The following RARG variants were observed in gnomAD, a reference collection of about 807,000 sequenced individuals.
RARG encodes the protein retinoic acid receptor gamma.
In RARG, 17 loss-of-function variants were observed where a neutral mutation model predicts 43.7. The observed-to-expected ratio is 0.39, with a 90% CI of 0.27 to 0.58. The LOEUF (loss-of-function observed/expected upper bound fraction) is 0.58. Among genes scored for constraint, RARG ranks in the 20% least tolerant of loss-of-function variants. The pLI is 0.57. For missense variants in RARG, 346 were observed against 598.7 expected (o/e 0.58, Z 4.40); for synonymous variants, 238 against 236.4 (o/e 1.01, Z -0.06).
intron 3 of RARG, chr12:53,220,215 A>C: frequency 2.5e-6 from 3 of 1,214,716 alleles, no homozygotes; most frequent in Non-Finnish European, 3.3e-6. Flanking sequence ...GAGGGCTAGC[A>C]TAGGGCGCTG....
Position 53,216,821 on chromosome 12 carries a change from A to AGTGTGTGTGTGTGTGTGT in RARG, c.185-1045_185-1028dup, listed in dbSNP as rs35354918. 8.5e-4 allele frequency among the ~76,000 whole-genome samples: 122 copies of AGTGTGTGTGTGTGTGTGT among 144,202 alleles called. 2 individuals carry two copies. Among genetic ancestry groups the AGTGTGTGTGTGTGTGTGT allele is most frequent in the African/African-American group, 3.0e-3 (114 of 37,502 alleles). 94.6% of individuals were successfully genotyped at this position (144,202 alleles called of 152,430 possible). On this transcript the variant is annotated intron_variant, in intron 3 of 9. Transcript: ENST00000425354. ...GCTCTGTTCAAAAGGCTGCTGGGTA[A>AGTGTGTGTGTGTGTGTGT]GTGTGTGTGTGTGTGTGTGTGCGCG...
At chr12:53,225,657 C>T (rs998747991) in intron 3 of RARG, among the ~76,000 whole-genome samples, 1 of 152,234 alleles carries the variant, frequency 6.6e-6, no homozygotes, top group Non-Finnish European at 1.5e-5. Context: ...CTCTTTCCCC[C>T]GCCCTTCAAT....
chr12:53,227,348 T>A lies in RARG; in HGVS notation c.184+14A>T. 1 of 1,517,896 alleles carries A rather than the reference T, an allele frequency of 6.6e-7. No homozygotes were observed. The highest frequency in any genetic ancestry group is 8.8e-7 in the Non-Finnish European group (1 of 1,131,092). 94.0% of individuals were successfully genotyped at this position (1,517,896 alleles called of 1,614,324 possible). ...TAACATTTGCCTTCATTCCCCAAGA[T>A]CCCTGAGACTCACACAGAGAGGCCA... On this transcript the variant is annotated intron_variant, in intron 3 of 9. Transcript: ENST00000425354. This position sits in a 1 kb window ranked among gnomAD's most constrained non-coding sequence, Gnocchi z 4.3.
intron 5 of RARG, chr12:53,214,873 GGA>G (rs1235945766): frequency 7.9e-5 from 36 of 457,232 alleles, no homozygotes; most frequent in African/African-American, 5.9e-4. Flanking sequence ...AGGAGCTGGG[GGA>G]GGGGGGGCAG....
chr12:53,214,792 C>T (rs960934424), intron 5 of RARG, 186 bp from the exon 6 acceptor site: 4 of 630,730 alleles, frequency 6.3e-6, no homozygotes, highest in Non-Finnish European at 2.6e-6. Context: ...TCCCCAGCCC[C>T]ACCCAGGGCC....
At chr12:53,230,706 G>A (rs1475541278) in intron 2 of RARG, among the ~76,000 whole-genome samples, 2 of 151,404 alleles carry the variant, frequency 1.3e-5, no homozygotes, top group African/African-American at 4.9e-5. Context: ...GCATCAGAGG[G>A]CATGGACAGG....
rs781019078 is a variant in RARG, at chr12:53,213,444, T to G, written c.1018+52A>C. 3.2e-6 allele frequency: 5 copies of G among 1,576,306 alleles called. No homozygotes were observed. In the African/African-American group the frequency reaches 5.4e-5, roughly 17 times the overall value. Reference sequence around the variant, plus strand: ...CCTCCCAGACAGATTCCGCATGGAGTGGTGGGAAAGGAGACTGAGCACTGA... The same window carrying G: ...CCTCCCAGACAGATTCCGCATGGAGGGGTGGGAAAGGAGACTGAGCACTGA... On this transcript the variant is annotated intron_variant, in intron 8 of 9. Transcript: ENST00000425354. This position sits in a 1 kb window ranked among gnomAD's most constrained non-coding sequence, Gnocchi z 4.7.
At chr12:53,214,305 C>T (rs1942695402) in intron 6 of RARG, 70 bp from the exon 7 acceptor site, 3 of 1,545,998 alleles carry the variant, frequency 1.9e-6, no homozygotes, top group Non-Finnish European at 2.7e-6. Context: ...CTTCTCTCTA[C>T]CAATATCCCA....
chr12:53,211,950 C>CCTAGGGGAGTCAGGGGCAGT lies in RARG; in HGVS notation c.1178-88_1178-87insACTGCCCCTGACTCCCCTAG. 2 of 1,131,122 alleles carry CCTAGGGGAGTCAGGGGCAGT rather than the reference C, an allele frequency of 1.8e-6. No homozygotes were observed. Among genetic ancestry groups the CCTAGGGGAGTCAGGGGCAGT allele is most frequent in the Non-Finnish European group, 2.3e-6 (2 of 860,646 alleles). The allele number at this position is 1,131,122 out of a possible 1,614,324, so 70.1% of individuals were successfully genotyped here. On this transcript the variant is annotated intron_variant, in intron 9 of 9. Transcript: ENST00000425354. The surrounding 1 kb of genome is among the most constrained non-coding windows in gnomAD (Gnocchi z 4.6). ...TCTCCCTAACCTTTCTCAACTGCCC[C>CCTAGGGGAGTCAGGGGCAGT]TGACTCCCCTAGGGGGCGCCCAGCA...
chr12:53,217,845 CTT>C (rs1942821726), intron 3 of RARG, among the ~76,000 whole-genome samples: 1 of 152,142 alleles, frequency 6.6e-6, no homozygotes, highest in Admixed American at 6.5e-5. Context: ...CAAACAAACT[CTT>C]TATAACCGGC....
Position 53,213,779 on chromosome 12 carries a change from G to T in RARG, c.814-79C>A. Reference sequence around the variant, plus strand: ...GAGGGAATGAGTGGAAAGTGAGGAGGTTAGGTCCCCAGTGAGTGCAACCTG... The same window carrying T: ...GAGGGAATGAGTGGAAAGTGAGGAGTTTAGGTCCCCAGTGAGTGCAACCTG... On this transcript the variant is annotated intron_variant, in intron 7 of 9. Transcript: ENST00000425354. This position sits in a 1 kb window ranked among gnomAD's most constrained non-coding sequence, Gnocchi z 4.7. The T allele has an allele frequency of 7.0e-7, 1 of 1,422,074 alleles. No individual in the cohort carries two copies. The highest frequency in any genetic ancestry group is 9.8e-7 in the Non-Finnish European group (1 of 1,024,632). The allele number at this position is 1,422,074 out of a possible 1,614,324, so 88.1% of individuals were successfully genotyped here.
chr12:53,223,372 G>A (rs1233658768), intron 3 of RARG, among the ~76,000 whole-genome samples: 1 of 151,782 alleles, frequency 6.6e-6, no homozygotes. Context: ...GGCAGCAGAA[G>A]AGCAGAAGAA....
At position 53,211,780 on chromosome 12, in the gene RARG, T is replaced by C. The variant is rs1592423379; in HGVS notation, c.1261A>G (p.Met421Val). ...LIREMLENPE[M>V]FEDDSSQPGP... ...GGCTGCGAGGAGTCATCCTCAAACA[T>C]TTCAGGGTTCTCCAGCATCTCTCGG... The change falls in exon 10 of 10, where the codon ATG becomes GTG. Residue 421 changes from methionine to valine, a missense_variant. Coordinates refer to ENST00000425354, the MANE Select transcript of RARG (RefSeq NM_000966.6). This position sits in a 1 kb window ranked among gnomAD's most constrained non-coding sequence, Gnocchi z 4.6. 1 of 1,561,926 alleles carries C rather than the reference T, an allele frequency of 6.4e-7. No individual in the cohort carries two copies. Among genetic ancestry groups the C allele is most frequent in the East Asian group, 2.5e-5 (1 of 40,740 alleles).
At position 53,227,956 on chromosome 12, in the gene RARG, T is replaced by C. The variant is rs548927545; in HGVS notation, c.-142-269A>G. On this transcript the variant is annotated intron_variant, in intron 2 of 9. Transcript: ENST00000425354. This position sits in a 1 kb window ranked among gnomAD's most constrained non-coding sequence, Gnocchi z 4.3. ...ACTTCTGGTGGAGAGAACTCCTAGA[T>C]TGGGAAGTGATCATGAATCACCACA... is the stretch of plus-strand genomic sequence containing the variant. Among the ~76,000 whole-genome samples, 3 of 152,248 alleles carry C rather than the reference T, an allele frequency of 2.0e-5. No homozygotes were observed. Among genetic ancestry groups the C allele is most frequent in the South Asian group, 2.1e-4 (1 of 4,826 alleles).
At chr12:53,212,871 T>C (rs1942642835) in intron 9 of RARG, among the ~76,000 whole-genome samples, 2 of 152,248 alleles carry the variant, frequency 1.3e-5, no homozygotes, top group Middle Eastern at 3.4e-3. Context: ...CTAATGACTA[T>C]TGTATTCCCA....
intron 6 of RARG, 87 bp downstream of exon 6, chr12:53,214,359 C>T: frequency 6.4e-7 from 1 of 1,550,514 alleles, no homozygotes; most frequent in South Asian, 1.2e-5. Context: ...TCCTCAGCAC[C>T]AGTCGATGAT....
At chr12:53,218,208 C>T (rs1218659319) in intron 3 of RARG, among the ~76,000 whole-genome samples, 2 of 152,178 alleles carry the variant, frequency 1.3e-5, no homozygotes, top group Non-Finnish European at 2.9e-5. Context: ...CACACACACA[C>T]ACATCCAGCC....
chr12:53,221,561 A>G (rs1235471968), intron 3 of RARG, among the ~76,000 whole-genome samples: 1 of 152,160 alleles, frequency 6.6e-6, no homozygotes, highest in Non-Finnish European at 1.5e-5. Flanking sequence ...CAAGGCCGCA[A>G]CACTGTTCCC....
At chr12:53,216,628 C>G (rs1044019532) in intron 3 of RARG, among the ~76,000 whole-genome samples, 2 of 152,138 alleles carry the variant, frequency 1.3e-5, no homozygotes, top group African/African-American at 4.8e-5. Flanking sequence ...GTCTGGAAGC[C>G]GTTGGAGGTG....
Sources: gnomAD v4.1 joint callset for allele counts (sites outside exome capture counted in the v4.1 genomes callset) on GRCh38, gnomAD v4.1.1 for gene constraint, Gnocchi (gnomAD v3.1) non-coding constraint, MANE v1.5 for transcripts, NCBI Gene and HGNC (gene_info 2026-07-23, HGNC 2026-07-21) for gene names.